ITGAE: variants seen among roughly 807,000 people sequenced by gnomAD.
ITGAE encodes integrin alpha-E.
Under a neutral mutation model 136.5 loss-of-function variants are expected in ITGAE, and 99 were observed. That is an observed-to-expected ratio of 0.73 (90% CI 0.62 to 0.86). The LOEUF is 0.86. ITGAE is among the 40% of genes least tolerant of loss of function. ITGAE has a pLI of 0.00. For missense variants in ITGAE, 1,447 were observed against 1,515.3 expected, an observed-to-expected ratio of 0.95 and a Z score of 0.75; for synonymous variants, 613 against 591.8, an observed-to-expected ratio of 1.04 and a Z score of -0.52.
In ITGAE at chr17:3,755,181, GC is replaced by G; in HGVS notation, c.1319del (p.Gly440AlafsTer4). On this transcript the variant is annotated frameshift_variant, in exon 12 of 31. Transcript: ENST00000263087. LOFTEE classifies it high-confidence loss of function. ...ALLYDTRSRRGRFLNQTAAAA... is the reference protein window; with the variant it reads ...ALLYDTRSRRXRFLNQTAAAA... Reference sequence around the variant, plus strand: ...CCGCCGCTGTCTGGTTCAGGAAGCGGCCCCGGCGGCTGCGTGTGTCGTAGAG... The same window carrying G: ...CCGCCGCTGTCTGGTTCAGGAAGCGGCCCGGCGGCTGCGTGTGTCGTAGAG... 6.3e-7 allele frequency: 1 copy of G among 1,582,078 alleles called. No individual in the cohort carries two copies. Among genetic ancestry groups the G allele is most frequent in the South Asian group, 1.1e-5 (1 of 88,012 alleles).
At chr17:3,766,835 AATAATAATAAT>A (rs1210684118) in intron 2 of ITGAE, among the ~76,000 whole-genome samples, 2 of 139,648 alleles carry the variant, frequency 1.4e-5, no homozygotes, top group African/African-American at 5.3e-5. Context: ...TAATAATAAT[AATAATAATAAT>A]AAACCTGTGT....
rs747354380 is a variant in ITGAE at position 3,727,945 on chromosome 17, C to A, written c.3058G>T (p.Ala1020Ser). 12 of 1,613,778 alleles carry A rather than the reference C, an allele frequency of 7.4e-6. No individual in the cohort carries two copies. The highest frequency in any genetic ancestry group is 1.0e-5 in the Non-Finnish European group (12 of 1,179,650). The change falls in exon 26 of 31, where the codon GCA becomes TCA. Residue 1020 changes from alanine (A) to serine (S), a missense_variant. Physicochemically the swap from Ala to Ser is moderately conservative, Grantham distance 99 (BLOSUM62 1). Transcript: ENST00000263087. ...PTKLRGLQVV[A>S]VKKLTRTQAS... ...TGAGTCCTCGTCAGCTTCTTCACTG[C>A]TACAACCTGGAGACCTCGTAATTTG...
intron 6 of ITGAE, among the ~76,000 whole-genome samples, 170 bp from the exon 7 acceptor site, chr17:3,760,457 T>TTTC (rs1420885557): frequency 6.2e-5 from 9 of 145,930 alleles, no homozygotes; most frequent in Non-Finnish European, 1.2e-4. Flanking sequence ...TTTTTTTTTT[T>TTTC]GAGACAGAGC....
At chr17:3,797,159 T>TATA (rs1567566801) in intron 1 of ITGAE, among the ~76,000 whole-genome samples, 31 of 8,898 alleles carry the variant, frequency 3.5e-3, no homozygotes, top group African/African-American at 0.011. Context: ...ATATATATAT[T>TATA]TTTTTTTTTT....
Position 3,743,828 on chromosome 17 carries a change from G to A in ITGAE, c.2320-211C>T, listed in dbSNP as rs575236845. On this transcript the variant is annotated intron_variant, in intron 18 of 30. Transcript: ENST00000263087. Reference sequence around the variant, plus strand: ...AGCGATTCTCCTACCTCAGCCGCCCGAGTAGCTGGGATGACAGGTGTGTGC... The same window carrying A: ...AGCGATTCTCCTACCTCAGCCGCCCAAGTAGCTGGGATGACAGGTGTGTGC... Among the ~76,000 whole-genome samples, 10 of 148,400 alleles carry A rather than the reference G, an allele frequency of 6.7e-5. No individual in the cohort carries two copies. In the East Asian group the frequency reaches 1.2e-3, roughly 18 times the overall value.
intron 29 of ITGAE, chr17:3,717,661 G>C (rs757242435): frequency 7.2e-5 from 11 of 152,208 alleles, no homozygotes; most frequent in Non-Finnish European, 1.3e-4. Flanking sequence ...GTGCTTTGGA[G>C]AGGTTTCTGT....
rs1567537818 is a variant in ITGAE at position 3,757,273 on chromosome 17, C to T, written c.1021-139G>A. On this transcript the variant is annotated intron_variant, in intron 9 of 30. Coordinates refer to ENST00000263087, the MANE Select transcript of ITGAE (RefSeq NM_002208.5). ...TTCCTTTCTCCTCCTTTCCCTGCTC[C>T]CTGTTCTACCCATACTCTGGGCAAA... The T allele has an allele frequency of 4.6e-6, 5 of 1,098,344 alleles. 1 individual carries two copies. The highest frequency in any genetic ancestry group is 5.1e-4 in the Middle Eastern group (2 of 3,914). 68.0% of individuals were successfully genotyped at this position (1,098,344 alleles called of 1,614,324 possible).
At chr17:3,730,124 C>T (rs1221736449) in intron 23 of ITGAE, among the ~76,000 whole-genome samples, 1 of 152,138 alleles carries the variant, frequency 6.6e-6, no homozygotes, top group Non-Finnish European at 1.5e-5. Context: ...GGTGCTTCTG[C>T]ACCTGGCTCC....
At chr17:3,786,681 A>G (rs2052805534) in intron 1 of ITGAE, among the ~76,000 whole-genome samples, 1 of 152,102 alleles carries the variant, frequency 6.6e-6, no homozygotes, top group Non-Finnish European at 1.5e-5. Flanking sequence ...CACGAGGTCA[A>G]GAGATTGAGA....
chr17:3,762,971 T>C (rs1175382984), intron 3 of ITGAE, among the ~76,000 whole-genome samples: 2 of 151,734 alleles, frequency 1.3e-5, no homozygotes, highest in Admixed American at 1.3e-4. Flanking sequence ...CAGCTCACTG[T>C]AACCTCCACC....
intron 1 of ITGAE, among the ~76,000 whole-genome samples, chr17:3,778,836 C>T (rs1346591651): frequency 6.6e-6 from 1 of 152,120 alleles, no homozygotes; most frequent in Non-Finnish European, 1.5e-5. Flanking sequence ...AGACATTTGA[C>T]AATGGGCAGA....
intron 30 of ITGAE, 67 bp downstream of exon 30, chr17:3,716,621 T>C (rs1185024652): frequency 1.7e-5 from 17 of 977,636 alleles, no homozygotes; most frequent in South Asian, 4.1e-5. Flanking sequence ...TTGGCTGTCC[T>C]AAGGAGTTCT....
intron 10 of ITGAE, among the ~76,000 whole-genome samples, chr17:3,756,126 A>T (rs1249540031): frequency 1.3e-5 from 2 of 151,208 alleles, no homozygotes; most frequent in African/African-American, 2.4e-5. Context: ...GGGAGAAGGG[A>T]CTATGCCCCA....
intron 26 of ITGAE, 147 bp from the exon 27 acceptor site, chr17:3,723,891 A>G (rs766710471): frequency 2.0e-6 from 3 of 1,526,378 alleles, no homozygotes; most frequent in African/African-American, 2.8e-5. Context: ...CGTCGCACGG[A>G]AGTCTCGCGA....
chr17:3,748,281 T>C (rs952201319), intron 16 of ITGAE, among the ~76,000 whole-genome samples: 2 of 152,124 alleles, frequency 1.3e-5, no homozygotes, highest in African/African-American at 4.8e-5. Context: ...TTGGCAAGGC[T>C]ATGAGAAAAA....
intron 12 of ITGAE, 83 bp downstream of exon 12, chr17:3,755,034 T>A: frequency 6.8e-6 from 5 of 732,200 alleles, no homozygotes; most frequent in Non-Finnish European, 8.2e-6. Flanking sequence ...CACGTAGCCC[T>A]CAGGCCCCAC....
intron 2 of ITGAE, among the ~76,000 whole-genome samples, chr17:3,768,541 C>T (rs941761030): frequency 2.0e-5 from 3 of 152,154 alleles, no homozygotes; most frequent in African/African-American, 2.4e-5. Context: ...AGGCCCTCCA[C>T]GGCGCTGTTC....
At chr17:3,735,737 T>C (rs549900532) in intron 20 of ITGAE, among the ~76,000 whole-genome samples, 1 of 152,342 alleles carries the variant, frequency 6.6e-6, no homozygotes, top group Non-Finnish European at 1.5e-5. Flanking sequence ...TTGCATGAGA[T>C]GACGATAATA....
rs920899562 is a variant in ITGAE, at chr17:3,753,533, C to G, written c.1528-103G>C. On this transcript the variant is annotated intron_variant, in intron 13 of 30. Coordinates refer to ENST00000263087, the MANE Select transcript of ITGAE (RefSeq NM_002208.5). The stretch of plus-strand genomic sequence containing the variant: ...GCTTCCTGGACCACCCAATTTGGGT[C>G]GTTACATATCAATTTGCTCACTGAG... The G allele has an allele frequency of 8.6e-6, 12 of 1,398,134 alleles. No homozygotes were observed. The East Asian group carries it at 2.5e-4, about 29-fold the overall frequency. The allele number at this position is 1,398,134 out of a possible 1,614,324, so 86.6% of individuals were successfully genotyped here.
Sources: gnomAD v4.1 joint callset for allele counts (sites outside exome capture counted in the v4.1 genomes callset) on GRCh38, gnomAD v4.1.1 for gene constraint, MANE v1.5 for transcripts, NCBI Gene and HGNC (gene_info 2026-07-23, HGNC 2026-07-21) for gene names.